ADAMTSL1: variants seen among roughly 807,000 people sequenced by gnomAD.
ADAMTSL1 encodes the protein ADAMTS like 1, also known as ADAMTS-like protein 1.
In ADAMTSL1, 126 loss-of-function variants were observed where a neutral mutation model predicts 201.8. That is an observed-to-expected ratio of 0.62 (90% CI 0.54 to 0.72). The LOEUF (loss-of-function observed/expected upper bound fraction) is 0.72. Among genes scored for constraint, ADAMTSL1 ranks in the 30% least tolerant of loss-of-function variants. ADAMTSL1 has a pLI of 0.00. For synonymous variants in ADAMTSL1, 1,121 were observed against 903.4 expected, an observed-to-expected ratio of 1.24 and a Z score of -4.32; for missense variants, 2,679 against 2,277.8, an observed-to-expected ratio of 1.18 and a Z score of -3.59.
At chr9:18,459,780 A>G (rs966242353) in intron 2 of ADAMTSL1, among the ~76,000 whole-genome samples, 1 of 152,168 alleles carries the variant, frequency 6.6e-6, no homozygotes, top group Non-Finnish European at 1.5e-5. Flanking sequence ...ATTAACCCAC[A>G]TTGCTGAGTG....
At chr9:17,982,692 G>T (rs911446509) in intron 1 of ADAMTSL1, among the ~76,000 whole-genome samples, 7 of 152,106 alleles carry the variant, frequency 4.6e-5, no homozygotes, top group Non-Finnish European at 7.4e-5. Flanking sequence ...GGAATCACAG[G>T]CTCAGTTTAA....
chr9:18,267,800 A>C (rs1832191472), intron 2 of ADAMTSL1, among the ~76,000 whole-genome samples: 1 of 147,722 alleles, frequency 6.8e-6, no homozygotes. Flanking sequence ...AAAAACCTTA[A>C]TCTGAGAAAA....
At chr9:18,406,334 CTTT>C (rs200674166) in intron 2 of ADAMTSL1, among the ~76,000 whole-genome samples, 12,281 of 126,718 alleles carry the variant, frequency 0.097, 622 homozygotes, top group South Asian at 0.23. Context: ...CTTTTCTTTT[CTTT>C]TCTTTTTTTG....
intron 4 of ADAMTSL1, among the ~76,000 whole-genome samples, chr9:18,604,132 C>T (rs1824853651): frequency 6.6e-6 from 1 of 152,136 alleles, no homozygotes. Context: ...CTAAAACTTT[C>T]CTAAATAGGT....
At chr9:18,764,345 A>G (rs1300656224) in intron 16 of ADAMTSL1, among the ~76,000 whole-genome samples, 1 of 152,244 alleles carries the variant, frequency 6.6e-6, no homozygotes, top group Non-Finnish European at 1.5e-5. Context: ...TTTGTACCCT[A>G]CAAATTTACT....
At chr9:18,241,469 G>A (rs760142338) in intron 2 of ADAMTSL1, among the ~76,000 whole-genome samples, 1 of 151,962 alleles carries the variant, frequency 6.6e-6, no homozygotes, top group Non-Finnish European at 1.5e-5. Context: ...TTTTGCAGTA[G>A]AGCCTTCCTT....
At chr9:18,174,060 C>T (rs956458088) in intron 2 of ADAMTSL1, among the ~76,000 whole-genome samples, 6 of 152,136 alleles carry the variant, frequency 3.9e-5, no homozygotes, top group African/African-American at 1.4e-4. Flanking sequence ...ATATTTGCTG[C>T]TTAACTTCGG....
intron 4 of ADAMTSL1, among the ~76,000 whole-genome samples, chr9:18,592,485 T>C (rs1214040822): frequency 2.6e-4 from 40 of 152,188 alleles, no homozygotes; most frequent in Non-Finnish European, 1.5e-5. Context: ...TCTCATGTAG[T>C]TGTAAGAGGA....
chr9:18,707,768 A>C (rs937437253), intron 14 of ADAMTSL1, among the ~76,000 whole-genome samples: 4 of 152,170 alleles, frequency 2.6e-5, no homozygotes, highest in African/African-American at 9.7e-5. Context: ...CAGTTAACTC[A>C]CGTTAAATGT....
At chr9:18,305,909 C>T (rs1019343344) in intron 2 of ADAMTSL1, among the ~76,000 whole-genome samples, 1 of 152,030 alleles carries the variant, frequency 6.6e-6, no homozygotes, top group African/African-American at 2.4e-5. Context: ...TGACTCCTGA[C>T]TGAGAGACAC....
At chr9:18,319,195 C>A (rs1204446247) in intron 2 of ADAMTSL1, among the ~76,000 whole-genome samples, 1 of 151,928 alleles carries the variant, frequency 6.6e-6, no homozygotes, top group Non-Finnish European at 1.5e-5. Flanking sequence ...AGTGAGACCC[C>A]AACTCTATTT....
At chr9:17,918,308 T>C (rs1361657696) in intron 1 of ADAMTSL1, among the ~76,000 whole-genome samples, 1 of 150,210 alleles carries the variant, frequency 6.7e-6, no homozygotes, top group Non-Finnish European at 1.5e-5. Flanking sequence ...TAAGTTGTGC[T>C]TTAGAGGCAT....
rs551697856 is a variant in ADAMTSL1, at chr9:18,118,188, G to A, written c.88-45674G>A. On this transcript the variant is annotated intron_variant, in intron 1 of 29. Transcript: ENST00000680146. Reference sequence around the variant, plus strand: ...ACTTGCATCTTGATTAAAAAGAGCCGTAGCTTCTATTCAGAAATGGAAAGA... The same window carrying A: ...ACTTGCATCTTGATTAAAAAGAGCCATAGCTTCTATTCAGAAATGGAAAGA... 1.2e-4 allele frequency among the ~76,000 whole-genome samples: 19 copies of A among 152,298 alleles called. No individual in the cohort carries two copies. The Middle Eastern group carries it at 0.01, about 82-fold the overall frequency.
intron 2 of ADAMTSL1, among the ~76,000 whole-genome samples, chr9:18,461,804 T>G (rs1052741910): frequency 6.6e-6 from 1 of 152,172 alleles, no homozygotes; most frequent in Non-Finnish European, 1.5e-5. Context: ...ATTGATCCGT[T>G]GACTAACAGT....
At chr9:18,120,209 C>A (rs1564010844) in intron 1 of ADAMTSL1, among the ~76,000 whole-genome samples, 1 of 151,840 alleles carries the variant, frequency 6.6e-6, no homozygotes, top group African/African-American at 2.4e-5. Context: ...GACAGGAGGC[C>A]TCAGTTTTTT....
intron 2 of ADAMTSL1, among the ~76,000 whole-genome samples, chr9:18,252,492 A>G (rs569921335): frequency 6.6e-6 from 1 of 152,334 alleles, no homozygotes; most frequent in South Asian, 2.1e-4. Context: ...ATCCCCCTGT[A>G]TACTTTAAAT....
intron 1 of ADAMTSL1, among the ~76,000 whole-genome samples, chr9:17,988,620 G>T (rs1819020039): frequency 6.7e-6 from 1 of 150,312 alleles, no homozygotes; most frequent in South Asian, 2.1e-4. Flanking sequence ...TCATTTTAAA[G>T]TAAAATATCT....
chr9:18,667,542 C>T (rs1262018801), intron 9 of ADAMTSL1, among the ~76,000 whole-genome samples: 1 of 151,996 alleles, frequency 6.6e-6, no homozygotes. Context: ...GATTTTTCAT[C>T]CTACGAAGTG....
intron 4 of ADAMTSL1, among the ~76,000 whole-genome samples, chr9:18,600,846 CA>C (rs1251057279): frequency 6.6e-6 from 1 of 152,112 alleles, no homozygotes; most frequent in Admixed American, 6.5e-5. Context: ...ATGGTTGTTT[CA>C]AAAGAAAAAG....
Sources: gnomAD v4.1 joint callset for allele counts (sites outside exome capture counted in the v4.1 genomes callset) on GRCh38, gnomAD v4.1.1 for gene constraint, MANE v1.5 for transcripts, NCBI Gene and HGNC (gene_info 2026-07-23, HGNC 2026-07-21) for gene names.